The following PRUNE2 variants were observed in gnomAD, a reference collection of about 807,000 sequenced individuals.
The protein encoded by PRUNE2 is protein prune homolog 2.
Under a neutral mutation model 252.0 loss-of-function variants are expected in PRUNE2, and 164 were observed. The observed-to-expected ratio is 0.65, with a 90% CI of 0.57 to 0.74. The LOEUF (loss-of-function observed/expected upper bound fraction) is 0.74. Ranked by LOEUF, PRUNE2 falls within the 30% of genes least tolerant of loss-of-function variation. PRUNE2 has a pLI of 0.00. For missense variants in PRUNE2, 3,495 were observed against 3,711.0 expected (o/e 0.94, Z 1.51); for synonymous variants, 1,292 against 1,350.2 (o/e 0.96, Z 0.94).
intron 9 of PRUNE2, among the ~76,000 whole-genome samples, chr9:76,694,274 C>T (rs556950060): frequency 5.9e-4 from 89 of 150,904 alleles, no homozygotes; most frequent in African/African-American, 1.5e-3. Flanking sequence ...CCTCTGCCTC[C>T]CAAGTTCAAA....
At chr9:76,729,950 C>T (rs546239264) in intron 6 of PRUNE2, among the ~76,000 whole-genome samples, 1 of 152,270 alleles carries the variant, frequency 6.6e-6, no homozygotes, top group African/African-American at 2.4e-5. Context: ...TTTTTTATAG[C>T]TGTATTATCC....
chr9:76,811,587 C>T (rs2057359740), intron 6 of PRUNE2, among the ~76,000 whole-genome samples: 1 of 152,180 alleles, frequency 6.6e-6, no homozygotes, highest in Admixed American at 6.5e-5. Context: ...TCATTTCCTT[C>T]ATGAGTAAAA....
At chr9:76,656,651 C>T (rs1447310366) in intron 9 of PRUNE2, among the ~76,000 whole-genome samples, 2 of 152,084 alleles carry the variant, frequency 1.3e-5, no homozygotes, top group African/African-American at 2.4e-5. Context: ...TACTATGTGC[C>T]GAGGATATAG....
chr9:76,613,741 A>G lies in PRUNE2; in HGVS notation c.*829T>C, dbSNP rs1424784545. 2 of 152,234 alleles carry G rather than the reference A, an allele frequency of 1.3e-5. No individual in the cohort carries two copies. Among genetic ancestry groups the G allele is most frequent in the African/African-American group, 4.8e-5 (2 of 41,468 alleles). The allele number at this position is 152,234 out of a possible 1,614,324, so 9.4% of individuals were successfully genotyped here. On this transcript the variant is annotated 3_prime_UTR_variant, in exon 19 of 19. Transcript: ENST00000376718. ...ATGCATGCGAGAGAGGAATTCATGA[A>G]TAACTGAATGCTACCAAATGATTTT...
intron 6 of PRUNE2, among the ~76,000 whole-genome samples, chr9:76,732,564 C>T (rs2048721428): frequency 6.6e-6 from 1 of 152,194 alleles, no homozygotes. Context: ...AGATGAGCAG[C>T]CCAGTTCTCC....
chr9:76,867,793 G>A (rs367888324), intron 1 of PRUNE2, among the ~76,000 whole-genome samples: 3 of 152,104 alleles, frequency 2.0e-5, no homozygotes, highest in African/African-American at 4.8e-5. Flanking sequence ...GGTTGGTCTC[G>A]AACTCCTGAC....
chr9:76,741,608 A>G (rs756698048), intron 6 of PRUNE2, among the ~76,000 whole-genome samples: 9 of 152,146 alleles, frequency 5.9e-5, no homozygotes, highest in African/African-American at 1.2e-4. Flanking sequence ...TGCGAAGGTA[A>G]CTCACATACC....
intron 6 of PRUNE2, among the ~76,000 whole-genome samples, chr9:76,763,153 C>T (rs2051922130): frequency 6.6e-6 from 1 of 152,192 alleles, no homozygotes; most frequent in South Asian, 2.1e-4. Flanking sequence ...AGCATTATAG[C>T]ATCATGACAA....
intron 9 of PRUNE2, among the ~76,000 whole-genome samples, chr9:76,661,645 A>G (rs995479778): frequency 1.3e-5 from 2 of 152,234 alleles, no homozygotes; most frequent in Non-Finnish European, 2.9e-5. Context: ...TCTTCAGAAG[A>G]TGTAATAATT....
intron 1 of PRUNE2, among the ~76,000 whole-genome samples, chr9:76,872,257 C>T (rs1174732539): frequency 1.3e-5 from 2 of 152,156 alleles, no homozygotes; most frequent in East Asian, 3.9e-4. Flanking sequence ...GCTCTTTGCC[C>T]CTCAATGGGC....
chr9:76,647,782 T>C (rs12349307), intron 11 of PRUNE2, among the ~76,000 whole-genome samples: 3,860 of 152,120 alleles, frequency 0.025, 157 homozygotes, highest in African/African-American at 0.088. Context: ...GCCAACATGG[T>C]GAAACCCTGT....
rs2058358756 is a variant in PRUNE2 at position 76,826,567 on chromosome 9, CAG to C, written c.661+11_661+12del. ...TCGGGAGGGACAAGAGAGCTGGGGA[CAG>C]AGTCACTCACCCTGAGCACTGAACT... On this transcript the variant is annotated intron_variant, in intron 5 of 18. Coordinates refer to ENST00000376718, the MANE Select transcript of PRUNE2 (RefSeq NM_015225.3). 1 of 1,560,414 alleles carries C rather than the reference CAG, an allele frequency of 6.4e-7. No individual in the cohort carries two copies. Among genetic ancestry groups the C allele is most frequent in the African/African-American group, 1.4e-5 (1 of 73,332 alleles).
intron 2 of PRUNE2, among the ~76,000 whole-genome samples, chr9:76,851,834 T>TTG (rs532768924): frequency 0.019 from 2,955 of 152,208 alleles, 100 homozygotes; most frequent in African/African-American, 0.067. Context: ...TAGAGAATTG[T>TTG]AGTCACAATA....
chr9:76,874,702 C>G (rs1242558537), intron 1 of PRUNE2, among the ~76,000 whole-genome samples: 1 of 152,046 alleles, frequency 6.6e-6, no homozygotes, highest in African/African-American at 2.4e-5. Flanking sequence ...ACAAACCTAA[C>G]AGAAATAATG....
Position 76,710,045 on chromosome 9 carries a change from C to T in PRUNE2, c.2229G>A (p.Leu743=). The change falls in exon 8 of 19, where the codon CTG becomes CTA. Residue 743 remains leucine, a synonymous_variant. Coordinates refer to ENST00000376718, the MANE Select transcript of PRUNE2 (RefSeq NM_015225.3). ...KNEESLPFQN[L]PMEKSPLPNT... is the part of the protein sequence containing the mutation. ...TTGGCAAAGGTGACTTCTCCATGGG[C>T]AGGTTCTGGAACGGCAAGCTTTCCT... The T allele has an allele frequency of 4.3e-6, 7 of 1,613,848 alleles. No individual in the cohort carries two copies. Among genetic ancestry groups the T allele is most frequent in the South Asian group, 1.1e-5 (1 of 91,060 alleles).
At position 76,615,241 on chromosome 9, in the gene PRUNE2, C is replaced by T. The variant is rs544357339; in HGVS notation, c.9237-641G>A. 4.8e-5 allele frequency: 47 copies of T among 985,330 alleles called. No homozygotes were observed. In the South Asian group the frequency reaches 1.6e-3, roughly 33 times the overall value. 61.0% of individuals were successfully genotyped at this position (985,330 alleles called of 1,614,324 possible). A position where few individuals can be genotyped will look rare whatever the true frequency, so the allele number is the denominator to read the frequency against. ...TTAGTGAACACAGCACAACTTCCTA[C>T]CGCATCCACCCAAGAGGAAGAAAAC... is the stretch of plus-strand genomic sequence containing the variant. On this transcript the variant is annotated intron_variant, in intron 18 of 18. Coordinates refer to ENST00000376718, the MANE Select transcript of PRUNE2 (RefSeq NM_015225.3).
chr9:76,836,493 A>G (rs1194830571), intron 4 of PRUNE2, among the ~76,000 whole-genome samples: 7 of 151,880 alleles, frequency 4.6e-5, no homozygotes, highest in South Asian at 2.1e-4. Flanking sequence ...GGAGAAGCTA[A>G]AAGATTTTCT....
At chr9:76,846,411 A>C in intron 4 of PRUNE2, 104 bp downstream of exon 4, 4 of 1,006,104 alleles carry the variant, frequency 4.0e-6, no homozygotes, top group Non-Finnish European at 5.7e-6. Flanking sequence ...GTGGTCTTTA[A>C]AGAGATTGTT....
At chr9:76,651,009 G>A (rs1368588457) in intron 11 of PRUNE2, among the ~76,000 whole-genome samples, 1 of 152,104 alleles carries the variant, frequency 6.6e-6, no homozygotes, top group African/African-American at 2.4e-5. Flanking sequence ...GATGGATAGA[G>A]GAGCTGCTGA....
Sources: allele counts gnomAD v4.1 joint callset (sites outside exome capture counted in the v4.1 genomes callset), GRCh38; gene constraint gnomAD v4.1.1; transcripts MANE v1.5; gene names NCBI Gene and HGNC (gene_info 2026-07-23, HGNC 2026-07-21).